Variants in POLM observed in about 807,000 individuals in gnomAD.
POLM encodes DNA polymerase mu.
Under a neutral mutation model 56.7 loss-of-function variants are expected in POLM, and 52 were observed. The observed-to-expected ratio is 0.92, with a 90% CI of 0.73 to 1.15. The LOEUF (loss-of-function observed/expected upper bound fraction) is 1.15. POLM is among the 50% of genes most tolerant of loss of function. POLM has a pLI of 0.00. For synonymous variants in POLM, 273 were observed against 274.3 expected, an observed-to-expected ratio of 1.00 and a Z score of 0.05; for missense variants, 660 against 663.6, an observed-to-expected ratio of 0.99 and a Z score of 0.06.
rs772467245 is a variant in POLM, at chr7:44,073,885, T to A, written c.1212A>T (p.Gly404=). 2 of 1,614,084 alleles carry A rather than the reference T, an allele frequency of 1.2e-6. No individual in the cohort carries two copies. Among genetic ancestry groups the A allele is most frequent in the Non-Finnish European group, 1.7e-6 (2 of 1,180,004 alleles). Residue 404 remains glycine, a synonymous_variant, in exon 9 of 11, where the codon GGA becomes GGT. Transcript: ENST00000242248. The part of the protein sequence containing the change: ...LPQPPGAAVG[G]STRPCPSWKA... ...TCCAGGATGGGCAGGGCCTCGTGGA[T>A]CCCCCCACAGCAGCCCCTGGAGGTT...
At chr7:44,080,438 T>A (rs28382637) in intron 2 of POLM, 1 of 600,760 alleles carries the variant, frequency 1.7e-6, no homozygotes, top group Admixed American at 2.1e-5. Flanking sequence ...CCGCTCGGAG[T>A]TGCTGTGTCA....
At chr7:44,079,535 C>T in intron 4 of POLM, 36 bp downstream of exon 4, 1 of 1,419,200 alleles carries the variant, frequency 7.0e-7, no homozygotes, top group Non-Finnish European at 9.9e-7. Flanking sequence ...GCCTCCCCAC[C>T]CACCCACTCA....
In POLM at chr7:44,074,192, T is replaced by A. The variant is rs574292891; in HGVS notation, c.1010A>T (p.His337Leu). The A allele has an allele frequency of 8.8e-6, 14 of 1,598,960 alleles. No individual in the cohort carries two copies. In the East Asian group the frequency reaches 3.2e-4, roughly 36 times the overall value. The change falls in exon 8 of 11, where the codon CAC becomes CTC. Residue 337 changes from histidine (H) to leucine (L), a missense_variant. His to Leu is a moderately conservative substitution (Grantham distance 99). Coordinates refer to ENST00000242248, the MANE Select transcript of POLM (RefSeq NM_013284.4). ...QGHDVDFLITHPKEGQEAGLL... is the reference protein window; with the variant it reads ...QGHDVDFLITLPKEGQEAGLL... ...CCCCGCCTCCTGACCCTCCTTGGGG[T>A]GGGTGATGAGGAAGTCCACGTCATG... is the stretch of plus-strand genomic sequence containing the variant.
At position 44,076,603 on chromosome 7, in the gene POLM, A is replaced by G. The variant is rs779995742; in HGVS notation, c.741T>C (p.Gly247=). 4.4e-4 allele frequency: 716 copies of G among 1,613,814 alleles called. 1 individual carries two copies. The highest frequency in any genetic ancestry group is 5.8e-4 in the Non-Finnish European group (681 of 1,179,980). ...GGTACCACCGGTCAGCAGTCTTCAC[A>G]CCGACCCCGAAGATCTGGGTGAAGA... The part of the protein sequence containing the change: ...MKLFTQIFGV[G]VKTADRWYRE... Residue 247 remains glycine, a synonymous_variant, in exon 6 of 11, where the codon GGT becomes GGC. Coordinates refer to ENST00000242248, the MANE Select transcript of POLM (RefSeq NM_013284.4).
intron 5 of POLM, chr7:44,076,933 T>A (rs1400538661): frequency 7.9e-6 from 2 of 254,438 alleles, no homozygotes; most frequent in Non-Finnish European, 1.5e-5. Flanking sequence ...CACGAGGGGC[T>A]CCTAAGTCAC....
At chr7:44,080,379 G>A (rs1320770317) in intron 2 of POLM, 1 of 550,522 alleles carries the variant, frequency 1.8e-6, no homozygotes, top group Middle Eastern at 2.7e-4. Context: ...CAGAGGCCGG[G>A]AGCCTTATAG....
rs959628074 is a variant in POLM, at chr7:44,082,515, G to A, written c.-77C>T. On this transcript the variant is annotated 5_prime_UTR_variant, in exon 1 of 11. Transcript: ENST00000242248. The stretch of plus-strand genomic sequence containing the variant: ...CGAGACGGAAGGAAGCCCCAGTGAG[G>A]CTGACGGAAGCGGGTGGGCGGGCGG... 7 of 662,758 alleles carry A rather than the reference G, an allele frequency of 1.1e-5. No homozygotes were observed. Among genetic ancestry groups the A allele is most frequent in the African/African-American group, 3.8e-5 (2 of 52,454 alleles). 41.1% of individuals were successfully genotyped at this position (662,758 alleles called of 1,614,324 possible). A position where few individuals can be genotyped will look rare whatever the true frequency, so the allele number is the denominator to read the frequency against.
At position 44,073,995 on chromosome 7, in the gene POLM, T is replaced by C. The variant is rs1365561208; in HGVS notation, c.1102A>G (p.Ser368Gly). ...AGGCGGGTAGGGGACTCACAGCAGC[T>C]GTGCTGGTGCTGGTGGTACAGGATG... ...GLILYHQHQHSCCESPTRLAQ... is the reference protein window; with the variant it reads ...GLILYHQHQHGCCESPTRLAQ... Residue 368 changes from serine (S) to glycine (G), a missense_variant, in exon 9 of 11, where the codon AGC (serine) becomes GGC (glycine). Ser to Gly is a moderately conservative substitution (Grantham distance 56). Transcript: ENST00000242248. 6.2e-7 allele frequency: 1 copy of C among 1,614,118 alleles called. No individual in the cohort carries two copies. Among genetic ancestry groups the C allele is most frequent in the South Asian group, 1.1e-5 (1 of 91,088 alleles).
chr7:44,080,445 G>A lies in POLM; in HGVS notation c.372+288C>T, dbSNP rs1227205708. 4.9e-6 allele frequency: 3 copies of A among 612,736 alleles called. No homozygotes were observed. In the East Asian group the frequency reaches 1.1e-4, roughly 22 times the overall value. 38.0% of individuals were successfully genotyped at this position (612,736 alleles called of 1,614,324 possible). A position where few individuals can be genotyped will look rare whatever the true frequency, so the allele number is the denominator to read the frequency against. On this transcript the variant is annotated intron_variant, in intron 2 of 10. Transcript: ENST00000242248. ...GGGTCATCCCGCTCGGAGTTGCTGT[G>A]TCATCTACTTGGTGAGGAAGAAAGG...
intron 5 of POLM, among the ~76,000 whole-genome samples, chr7:44,077,383 G>A (rs552120906): frequency 6.6e-6 from 1 of 152,368 alleles, no homozygotes; most frequent in South Asian, 2.1e-4. Flanking sequence ...ACCGGCCACA[G>A]CCCTCCCCAT....
At position 44,074,246 on chromosome 7, in the gene POLM, G is replaced by T; in HGVS notation, c.969-13C>A. ...CTGCAACTTCCCCCTGAGGGCGTCA[G>T]TCTGACTCTGACTCAGGGACACGGC... On this transcript the variant is annotated splice_polypyrimidine_tract_variant and intron_variant, in intron 7 of 10. Transcript: ENST00000242248. 1 of 1,561,802 alleles carries T rather than the reference G, an allele frequency of 6.4e-7. No homozygotes were observed. The highest frequency in any genetic ancestry group is 1.2e-5 in the South Asian group (1 of 85,374).
intron 6 of POLM, 195 bp downstream of exon 6, chr7:44,076,313 TG>T: frequency 1.7e-6 from 1 of 573,240 alleles, no homozygotes; most frequent in Non-Finnish European, 3.0e-6. Context: ...GAAGTTGCTG[TG>T]GTCAGCATCG....
rs763962339 is a variant in POLM, at chr7:44,073,919, C to T, written c.1178G>A (p.Arg393His). 13 of 1,613,782 alleles carry T rather than the reference C, an allele frequency of 8.1e-6. No homozygotes were observed. Among genetic ancestry groups the T allele is most frequent in the East Asian group, 6.7e-5 (3 of 44,856 alleles). ...DAFERSFCIF[R>H]LPQPPGAAVG... ...AGCAGCCCCTGGAGGTTGTGGTAGG[C>T]GGAAAATGCAGAAACTTCTCTCAAA... is the stretch of plus-strand genomic sequence containing the variant. The change falls in exon 9 of 11, where the codon CGC (arginine) becomes CAC (histidine). Residue 393 changes from arginine to histidine, a missense_variant. Coordinates refer to ENST00000242248, the MANE Select transcript of POLM (RefSeq NM_013284.4).
At chr7:44,076,811 C>G in intron 5 of POLM, 182 bp from the exon 6 acceptor site, 2 of 682,650 alleles carry the variant, frequency 2.9e-6, no homozygotes, top group Non-Finnish European at 4.8e-6. Context: ...CCCAGCCTGC[C>G]GTCTCTGGGA....
chr7:44,074,088 G>T, intron 8 of POLM, 43 bp downstream of exon 8: 1 of 1,606,832 alleles, frequency 6.2e-7, no homozygotes. Context: ...GGAGGCAGTG[G>T]CATTGGCCAG....
chr7:44,073,520 G>C (rs908410748), intron 10 of POLM, 105 bp downstream of exon 10: 2 of 1,593,200 alleles, frequency 1.3e-6, no homozygotes, highest in Non-Finnish European at 8.6e-7. Flanking sequence ...ACCCAGATTC[G>C]GGTCCTATGG....
In POLM at chr7:44,073,058, A is replaced by C; in HGVS notation, c.*233T>G. The C allele has an allele frequency of 7.0e-7, 1 of 1,426,220 alleles. No individual in the cohort carries two copies. The highest frequency in any genetic ancestry group is 1.4e-5 in the African/African-American group (1 of 69,654). 88.3% of individuals were successfully genotyped at this position (1,426,220 alleles called of 1,614,324 possible). On this transcript the variant is annotated 3_prime_UTR_variant, in exon 11 of 11. Coordinates refer to ENST00000242248, the MANE Select transcript of POLM (RefSeq NM_013284.4). ...CCATGGGGAGGCTAAGAGCAGACCC[A>C]GGGTCACACAGTGATGAGGCTGGCA...
At chr7:44,073,565 T>C in intron 10 of POLM, 60 bp downstream of exon 10, 1 of 1,607,126 alleles carries the variant, frequency 6.2e-7, no homozygotes, top group Admixed American at 1.7e-5. Flanking sequence ...CCATTTCAGA[T>C]TGTGGGTCAG....
In POLM at chr7:44,073,076, G is replaced by A. The variant is rs867789665; in HGVS notation, c.*215C>T. 1.4e-6 allele frequency: 2 copies of A among 1,450,588 alleles called. No homozygotes were observed. Among genetic ancestry groups the A allele is most frequent in the African/African-American group, 2.8e-5 (2 of 70,244 alleles). The allele number at this position is 1,450,588 out of a possible 1,614,324, so 89.9% of individuals were successfully genotyped here. A position where few individuals can be genotyped will look rare whatever the true frequency, so the allele number is the denominator to read the frequency against. ...CAGACCCAGGGTCACACAGTGATGA[G>A]GCTGGCACTGAGGGCTCCCACCTCA... is the stretch of plus-strand genomic sequence containing the variant. On this transcript the variant is annotated 3_prime_UTR_variant, in exon 11 of 11. Transcript: ENST00000242248.
Sources: allele counts gnomAD v4.1 joint callset (sites outside exome capture counted in the v4.1 genomes callset), GRCh38; gene constraint gnomAD v4.1.1; transcripts MANE v1.5; gene names NCBI Gene and HGNC (gene_info 2026-07-23, HGNC 2026-07-21).